Variants in TAF4 observed in about 807,000 individuals in gnomAD.
The protein encoded by TAF4 is TATA-box binding protein associated factor 4, also known as transcription initiation factor TFIID subunit 4.
Under a neutral mutation model 90.3 loss-of-function variants are expected in TAF4, and 9 were observed. The ratio of observed to expected loss-of-function variants is 0.10; its 90% CI spans 0.06 to 0.17. The LOEUF is 0.17. Among genes scored for constraint, TAF4 ranks in the 10% least tolerant of loss-of-function variants. The pLI is 1.00. For missense variants in TAF4, 1,351 were observed against 1,370.7 expected (o/e 0.99, Z 0.23); for synonymous variants, 818 against 638.9 (o/e 1.28, Z -4.23).
chr20:62,062,228 T>A (rs1198721019), intron 1 of TAF4, among the ~76,000 whole-genome samples: 1 of 152,212 alleles, frequency 6.6e-6, no homozygotes, highest in African/African-American at 2.4e-5. Flanking sequence ...AACATTTTTA[T>A]TACGAAATAT....
chr20:62,063,919 C>T (rs932825418), intron 1 of TAF4, among the ~76,000 whole-genome samples: 1 of 152,260 alleles, frequency 6.6e-6, no homozygotes, highest in Non-Finnish European at 1.5e-5. Flanking sequence ...GTCGCGCCCC[C>T]GTCCTCGCCT....
chr20:62,029,481 C>T (rs576108841), intron 1 of TAF4, among the ~76,000 whole-genome samples: 33 of 131,898 alleles, frequency 2.5e-4, no homozygotes, highest in African/African-American at 9.2e-4. Flanking sequence ...CACGTGCGCG[C>T]GCGCGCACAC....
intron 1 of TAF4, among the ~76,000 whole-genome samples, chr20:62,032,841 AT>A (rs1345981831): frequency 1.3e-5 from 2 of 152,130 alleles, no homozygotes; most frequent in African/African-American, 2.4e-5. Flanking sequence ...TCAGAAACAC[AT>A]GTGGATGGTA....
At position 62,065,376 on chromosome 20, in the gene TAF4, G is replaced by T; in HGVS notation, c.435C>A (p.Ala145=). 1 of 911,828 alleles carries T rather than the reference G, an allele frequency of 1.1e-6. No homozygotes were observed. The highest frequency in any genetic ancestry group is 5.0e-5 in the South Asian group (1 of 20,020). 56.5% of individuals were successfully genotyped at this position (911,828 alleles called of 1,614,324 possible). A position where few individuals can be genotyped will look rare whatever the true frequency, so the allele number is the denominator to read the frequency against. The change falls in exon 1 of 15, where the codon GCC becomes GCA. Residue 145 remains alanine, a synonymous_variant. Coordinates refer to ENST00000252996, the MANE Select transcript of TAF4 (RefSeq NM_003185.4). ...GSCAPVPAAA[A]VAAGPEPAPA... is the part of the protein sequence containing the mutation. ...GGGCGGGCTCGGGCCCCGCGGCGACGGCGGCGGCGGCGGGCACCGGGGCGC... is the reference window on the plus strand; with the variant it reads ...GGGCGGGCTCGGGCCCCGCGGCGACTGCGGCGGCGGCGGGCACCGGGGCGC...
At chr20:62,009,439 A>G (rs1360772702) in intron 4 of TAF4, among the ~76,000 whole-genome samples, 6 of 152,216 alleles carry the variant, frequency 3.9e-5, no homozygotes, top group African/African-American at 1.4e-4. Context: ...AAAAAGTGAA[A>G]AGAGACTCTG....
At chr20:62,060,949 G>A (rs772656725) in intron 1 of TAF4, among the ~76,000 whole-genome samples, 6 of 152,214 alleles carry the variant, frequency 3.9e-5, no homozygotes, top group Non-Finnish European at 8.8e-5. Context: ...AATAGTGAGC[G>A]CCACCTGACA....
intron 14 of TAF4, among the ~76,000 whole-genome samples, chr20:61,981,595 C>T (rs2055541335): frequency 6.6e-6 from 1 of 152,022 alleles, no homozygotes; most frequent in African/African-American, 2.4e-5. Context: ...AAGGAACCTA[C>T]GAAAGGCAGG....
At chr20:61,989,895 G>A (rs953924417) in intron 14 of TAF4, among the ~76,000 whole-genome samples, 9 of 152,214 alleles carry the variant, frequency 5.9e-5, no homozygotes, top group Middle Eastern at 3.2e-3. Context: ...GCATCCCCAC[G>A]ACTGAGCAGC....
intron 14 of TAF4, chr20:61,980,775 A>G (rs1416279811): frequency 6.6e-6 from 1 of 152,300 alleles, no homozygotes; most frequent in African/African-American, 2.4e-5. Flanking sequence ...CTAGACTTCA[A>G]AATCACTGCA....
At chr20:62,004,486 C>G (rs1244740788) in intron 7 of TAF4, 1 of 150,390 alleles carries the variant, frequency 6.6e-6, no homozygotes, top group East Asian at 1.9e-4. Flanking sequence ...CCATGTCTGG[C>G]TAATTTTTGT....
chr20:62,003,048 G>T (rs551593962), intron 9 of TAF4, 112 bp downstream of exon 9: 1 of 801,670 alleles, frequency 1.2e-6, no homozygotes, highest in Non-Finnish European at 2.0e-6. Flanking sequence ...TTGGAGCCCC[G>T]GCCGCCAGGG....
At chr20:62,049,834 G>A (rs1015568386) in intron 1 of TAF4, among the ~76,000 whole-genome samples, 3 of 152,232 alleles carry the variant, frequency 2.0e-5, no homozygotes, top group African/African-American at 7.2e-5. Context: ...TCAGTGTCTC[G>A]TCCCTAGGCA....
chr20:62,007,370 A>G (rs1363800392), intron 6 of TAF4, among the ~76,000 whole-genome samples, 177 bp downstream of exon 6: 1 of 152,192 alleles, frequency 6.6e-6, no homozygotes, highest in African/African-American at 2.4e-5. Flanking sequence ...CCTGCTTTAC[A>G]GAAAAAAAAC....
In TAF4 at chr20:62,018,786, C is replaced by T. The variant is rs537281152; in HGVS notation, c.1361-4079G>A. ...GTCAGGGAGGAAGCAGTCAAACCTGCAACAAGAAACACGACATCCGTCCCA... is the reference window on the plus strand; with the variant it reads ...GTCAGGGAGGAAGCAGTCAAACCTGTAACAAGAAACACGACATCCGTCCCA... On this transcript the variant is annotated intron_variant, in intron 1 of 14. Coordinates refer to ENST00000252996, the MANE Select transcript of TAF4 (RefSeq NM_003185.4). 2.6e-5 allele frequency among the ~76,000 whole-genome samples: 4 copies of T among 152,380 alleles called. 1 individual carries two copies. The highest frequency in any genetic ancestry group is 4.4e-5 in the Non-Finnish European group (3 of 68,042).
chr20:62,032,815 G>A (rs1827272945), intron 1 of TAF4, among the ~76,000 whole-genome samples: 1 of 152,128 alleles, frequency 6.6e-6, no homozygotes, highest in African/African-American at 2.4e-5. Flanking sequence ...AGCACACACT[G>A]GGCACTGGCC....
intron 7 of TAF4, 109 bp from the exon 8 acceptor site, chr20:62,003,987 A>C: frequency 1.5e-6 from 2 of 1,358,416 alleles, no homozygotes; most frequent in African/African-American, 1.5e-5. Context: ...CCACGCCCCC[A>C]GTAAGAAGTC....
intron 1 of TAF4, among the ~76,000 whole-genome samples, chr20:62,018,544 T>C (rs1026788020): frequency 6.6e-6 from 1 of 151,900 alleles, no homozygotes; most frequent in Admixed American, 6.5e-5. Context: ...TGCAGCAGGG[T>C]ACACGTGGCA....
intron 1 of TAF4, among the ~76,000 whole-genome samples, chr20:62,015,393 A>C (rs2055806762): frequency 6.6e-6 from 1 of 152,284 alleles, no homozygotes; most frequent in South Asian, 2.1e-4. Flanking sequence ...TTCAAAAAAC[A>C]GCAACCAGTT....
chr20:62,054,384 G>A lies in TAF4; in HGVS notation c.1360+10067C>T, dbSNP rs74774410. On this transcript the variant is annotated intron_variant, in intron 1 of 14. Transcript: ENST00000252996. ...TCTACAGATCTGTGAATTTGTGCACGCCAACATGCGGCAGGAAGGCGAGGA... is the reference window on the plus strand; with the variant it reads ...TCTACAGATCTGTGAATTTGTGCACACCAACATGCGGCAGGAAGGCGAGGA... Among the ~76,000 whole-genome samples, 1,444 of 152,266 alleles carry A rather than the reference G, an allele frequency of 9.5e-3. 8 individuals carry two copies. The highest frequency in any genetic ancestry group is 0.038 in the South Asian group (183 of 4,822).
Sources: allele counts gnomAD v4.1 joint callset (sites outside exome capture counted in the v4.1 genomes callset), GRCh38; gene constraint gnomAD v4.1.1; transcripts MANE v1.5; gene names NCBI Gene and HGNC (gene_info 2026-07-23, HGNC 2026-07-21).